GPHN: variants seen among roughly 807,000 people sequenced by gnomAD.
GPHN encodes gephyrin.
GPHN carries 17 observed loss-of-function variants against 95.5 expected under a neutral mutation model. The observed-to-expected ratio is 0.18, with a 90% CI of 0.12 to 0.27. The LOEUF is 0.27. GPHN is among the 10% of genes least tolerant of loss of function. GPHN has a pLI of 1.00. For synonymous variants in GPHN, 320 were observed against 322.5 expected, an observed-to-expected ratio of 0.99 and a Z score of 0.08; for missense variants, 660 against 978.1, an observed-to-expected ratio of 0.67 and a Z score of 4.34.
chr14:66,977,164 G>T (rs1044092984), intron 9 of GPHN, among the ~76,000 whole-genome samples: 1 of 152,142 alleles, frequency 6.6e-6, no homozygotes, highest in African/African-American at 2.4e-5. Flanking sequence ...GGGCGCGGTG[G>T]CTCATGCCTG....
the GPHN span, chr14:67,392,938 T>C: frequency 2.6e-6 from 3 of 1,155,594 alleles, no homozygotes; most frequent in East Asian, 7.4e-5. Context: ...CTTGGCCCTC[T>C]GGGCAGCCTC....
chr14:67,724,401 T>C, the GPHN span: 1 of 1,052,022 alleles, frequency 9.5e-7, no homozygotes, highest in Non-Finnish European at 1.5e-6. Flanking sequence ...AGTTTTTTTT[T>C]TTTTTTTTAA....
the GPHN span, among the ~76,000 whole-genome samples, chr14:67,395,974 T>C: frequency 1.4e-3 from 216 of 152,214 alleles, 1 homozygote; most frequent in African/African-American, 5.0e-3. Context: ...GGCTGTGGAC[T>C]CCCGGGCACA....
At chr14:67,647,041 T>G in the GPHN span, 2 of 1,546,378 alleles carry the variant, frequency 1.3e-6, no homozygotes, top group South Asian at 2.2e-5. Flanking sequence ...TAACTATAAC[T>G]GATGTCAGGG....
Position 67,181,519 on chromosome 14 carries a change from A to C in GPHN, c.*582A>C, listed in dbSNP as rs1035676208. Reference sequence around the variant, plus strand: ...TTTCTCGCCCCAATAGCCTCACGGCACAGTACTCTTGGGCAGTAACTGGAC... The same window carrying C: ...TTTCTCGCCCCAATAGCCTCACGGCCCAGTACTCTTGGGCAGTAACTGGAC... On this transcript the variant is annotated 3_prime_UTR_variant, in exon 23 of 23. Coordinates refer to ENST00000478722, the MANE Select transcript of GPHN (RefSeq NM_020806.5). 2.1e-5 allele frequency: 11 copies of C among 514,206 alleles called. No individual in the cohort carries two copies. The highest frequency in any genetic ancestry group is 4.2e-5 in the Non-Finnish European group (11 of 263,288). 31.9% of individuals were successfully genotyped at this position (514,206 alleles called of 1,614,324 possible).
At chr14:66,547,791 G>A (rs944311182) in intron 1 of GPHN, among the ~76,000 whole-genome samples, 2 of 152,180 alleles carry the variant, frequency 1.3e-5, no homozygotes, top group Admixed American at 6.5e-5. Context: ...TCATGTACTG[G>A]TGTGCATACC....
At chr14:66,626,726 T>C (rs909854209) in intron 1 of GPHN, among the ~76,000 whole-genome samples, 2 of 152,018 alleles carry the variant, frequency 1.3e-5, no homozygotes, top group African/African-American at 4.8e-5. Flanking sequence ...CCATAAGATT[T>C]TTCAGGATAT....
chr14:66,878,174 G>T (rs551941285), intron 4 of GPHN, among the ~76,000 whole-genome samples: 5 of 152,256 alleles, frequency 3.3e-5, no homozygotes, highest in Admixed American at 2.6e-4. Flanking sequence ...CTAGCCATAT[G>T]CAGAAAACTG....
the GPHN span, chr14:67,387,593 G>A: frequency 1.1e-6 from 1 of 916,634 alleles, no homozygotes; most frequent in Non-Finnish European, 1.6e-6. Flanking sequence ...TTTACAGTTA[G>A]AGAATCCTAT....
At chr14:66,899,247 A>G (rs1211031199) in intron 5 of GPHN, among the ~76,000 whole-genome samples, 1 of 150,582 alleles carries the variant, frequency 6.6e-6, no homozygotes, top group African/African-American at 2.4e-5. Flanking sequence ...TGTGATTTAT[A>G]TGCCTTTTAT....
At chr14:67,561,166 CAG>C in the GPHN span, among the ~76,000 whole-genome samples, 1 of 152,182 alleles carries the variant, frequency 6.6e-6, no homozygotes, top group East Asian at 1.9e-4. Context: ...TTCTTGGAGA[CAG>C]AACTGATGCC....
chr14:67,450,172 C>T, the GPHN span: 1 of 152,612 alleles, frequency 6.6e-6, no homozygotes, highest in Non-Finnish European at 1.5e-5. Flanking sequence ...TTGCCTTCCG[C>T]CATGATTGTG....
chr14:67,344,622 T>C, the GPHN span, among the ~76,000 whole-genome samples: 1 of 152,292 alleles, frequency 6.6e-6, no homozygotes, highest in East Asian at 1.9e-4. Context: ...CTCACACTTA[T>C]AATTCCAGCA....
chr14:67,280,318 G>GT, the GPHN span, among the ~76,000 whole-genome samples: 1 of 152,202 alleles, frequency 6.6e-6, no homozygotes, highest in Non-Finnish European at 1.5e-5. Context: ...CTGAACTAGT[G>GT]TTAGGAGAGC....
At chr14:67,215,557 A>G in the GPHN span, among the ~76,000 whole-genome samples, 1 of 152,170 alleles carries the variant, frequency 6.6e-6, no homozygotes, top group African/African-American at 2.4e-5. Context: ...TAAAGTAGGA[A>G]GAGAAAAACA....
chr14:67,144,286 T>TATGTATAC, intron 18 of GPHN, among the ~76,000 whole-genome samples: 1 of 78,124 alleles, frequency 1.3e-5, no homozygotes, highest in African/African-American at 6.4e-5. Context: ...TATATATATA[T>TATGTATAC]ACACACACAC....
the GPHN span, chr14:67,573,718 G>A: frequency 3.8e-5 from 34 of 894,204 alleles, no homozygotes; most frequent in African/African-American, 2.0e-4. The surrounding 1 kb of genome is among the most constrained non-coding windows in gnomAD (Gnocchi z 4.8). Flanking sequence ...TGCTTATGAC[G>A]TGGAGGAAGA....
the GPHN span, among the ~76,000 whole-genome samples, chr14:67,261,516 A>G: frequency 6.6e-6 from 1 of 152,176 alleles, no homozygotes; most frequent in African/African-American, 2.4e-5. Context: ...ACAGGAGTCT[A>G]TTATATTTTT....
At chr14:67,364,758 A>G in the GPHN span, 1 of 1,606,454 alleles carries the variant, frequency 6.2e-7, no homozygotes, top group East Asian at 2.2e-5. Context: ...TCTTTTGTTT[A>G]AATTGCAGAA....
Sources: gnomAD v4.1 joint callset for allele counts (sites outside exome capture counted in the v4.1 genomes callset) on GRCh38, gnomAD v4.1.1 for gene constraint, Gnocchi (gnomAD v3.1) non-coding constraint, MANE v1.5 for transcripts, NCBI Gene and HGNC (gene_info 2026-07-23, HGNC 2026-07-21) for gene names.